The following HOMER1 variants were observed in gnomAD, a reference collection of about 807,000 sequenced individuals.
HOMER1 encodes the protein homer scaffold protein 1.
HOMER1 carries 3 observed loss-of-function variants against 48.9 expected under a neutral mutation model. The observed-to-expected ratio is 0.06, with a 90% CI of 0.03 to 0.16. HOMER1 has a LOEUF of 0.16. Among genes scored for constraint, HOMER1 ranks in the 10% least tolerant of loss-of-function variants. The pLI is 1.00. For missense variants in HOMER1, 247 were observed against 411.4 expected, an observed-to-expected ratio of 0.60 and a Z score of 3.46; for synonymous variants, 134 against 146.4, an observed-to-expected ratio of 0.92 and a Z score of 0.61.
chr5:79,495,041 T>C (rs1752383080), intron 1 of HOMER1, among the ~76,000 whole-genome samples: 1 of 152,214 alleles, frequency 6.6e-6, no homozygotes, highest in South Asian at 2.1e-4. Flanking sequence ...TATTTTTATA[T>C]GTTTTATTAT....
intron 1 of HOMER1, among the ~76,000 whole-genome samples, 178 bp from the exon 2 acceptor site, chr5:79,457,196 A>T (rs1751197920): frequency 6.6e-6 from 1 of 152,240 alleles, no homozygotes; most frequent in South Asian, 2.1e-4. Flanking sequence ...TTCTAAAAAC[A>T]ATTATAGTCA....
chr5:79,511,033 C>A (rs777917855), intron 1 of HOMER1: 2 of 303,226 alleles, frequency 6.6e-6, no homozygotes, highest in Non-Finnish European at 1.2e-5. Flanking sequence ...AAAAATTCAT[C>A]CTAAGCTTCC....
chr5:79,382,298 A>C (rs1243498151), intron 8 of HOMER1, among the ~76,000 whole-genome samples: 1 of 152,168 alleles, frequency 6.6e-6, no homozygotes, highest in Non-Finnish European at 1.5e-5. Flanking sequence ...AGACATCCAG[A>C]TACAGGAAGC....
At chr5:79,481,367 T>C (rs146647891) in intron 1 of HOMER1, among the ~76,000 whole-genome samples, 120 of 152,324 alleles carry the variant, frequency 7.9e-4, no homozygotes, top group Non-Finnish European at 1.5e-3. Context: ...GGCACCGTGA[T>C]CTCTGAGAGG....
intron 5 of HOMER1, among the ~76,000 whole-genome samples, chr5:79,424,497 T>C (rs1350460204): frequency 1.3e-5 from 2 of 152,034 alleles, no homozygotes; most frequent in Non-Finnish European, 2.9e-5. Context: ...TATTCATAAC[T>C]ATGGGAAAGC....
intron 8 of HOMER1, among the ~76,000 whole-genome samples, chr5:79,385,712 G>A (rs535336723): frequency 1.2e-4 from 18 of 151,966 alleles, no homozygotes; most frequent in African/African-American, 4.1e-4. Context: ...GCATGTTGGT[G>A]GGCATCTGTA....
At chr5:79,511,871 G>A (rs1466121142) in intron 1 of HOMER1, among the ~76,000 whole-genome samples, 1 of 152,172 alleles carries the variant, frequency 6.6e-6, no homozygotes, top group Non-Finnish European at 1.5e-5. Context: ...AGATGTGTTT[G>A]TTCAACCACA....
chr5:79,420,008 C>T (rs950078065), intron 5 of HOMER1, among the ~76,000 whole-genome samples: 1 of 152,042 alleles, frequency 6.6e-6, no homozygotes, highest in African/African-American at 2.4e-5. Context: ...TTTTTATCTG[C>T]ATTACGATTT....
chr5:79,463,864 C>T (rs1324325604), intron 1 of HOMER1, among the ~76,000 whole-genome samples: 1 of 152,110 alleles, frequency 6.6e-6, no homozygotes, highest in Non-Finnish European at 1.5e-5. Flanking sequence ...AAAAATTCAC[C>T]ACTAGTTGAC....
rs73769652 is a variant in HOMER1, at chr5:79,403,557, T to C, written c.528-1502A>G. 5.7e-3 allele frequency among the ~76,000 whole-genome samples: 860 copies of C among 152,170 alleles called. 7 individuals are homozygous for C. Among genetic ancestry groups the C allele is most frequent in the African/African-American group, 0.02 (827 of 41,536 alleles). ...ACTGAGGGACAATCTGTAAAATAAC[T>C]GAAACTCTTCAAACATGTGAAGAAA... On this transcript the variant is annotated intron_variant, in intron 5 of 8. Transcript: ENST00000334082.
intron 5 of HOMER1, among the ~76,000 whole-genome samples, chr5:79,404,110 T>G (rs968647530): frequency 6.6e-6 from 1 of 152,222 alleles, no homozygotes; most frequent in African/African-American, 2.4e-5. Context: ...AAATGGAAAC[T>G]TCAATCTGAC....
chr5:79,452,987 T>C lies in HOMER1; in HGVS notation c.163-1866A>G, dbSNP rs142964838. ...ACAAATGGTTAAGGAATCATTCGTT[T>C]ATTCAACTTTAATTGAGTACCTTTT... On this transcript the variant is annotated intron_variant, in intron 2 of 8. Coordinates refer to ENST00000334082, the MANE Select transcript of HOMER1 (RefSeq NM_004272.5). Among the ~76,000 whole-genome samples the C allele has an allele frequency of 1.7e-3, 255 of 152,316 alleles. 1 individual carries two copies. The highest frequency in any genetic ancestry group is 3.8e-3 in the Admixed American group (58 of 15,308).
chr5:79,419,929 G>A (rs1750050646), intron 5 of HOMER1, among the ~76,000 whole-genome samples: 2 of 152,070 alleles, frequency 1.3e-5, no homozygotes, highest in African/African-American at 2.4e-5. Flanking sequence ...ATACAATTTG[G>A]GCATTTATAT....
chr5:79,463,228 T>A (rs1172463518), intron 1 of HOMER1, among the ~76,000 whole-genome samples: 1 of 152,222 alleles, frequency 6.6e-6, no homozygotes, highest in African/African-American at 2.4e-5. Context: ...AGGATAATCA[T>A]GGCAATCCCA....
At chr5:79,508,932 A>G (rs1375364934) in intron 1 of HOMER1, among the ~76,000 whole-genome samples, 1 of 152,248 alleles carries the variant, frequency 6.6e-6, no homozygotes, top group Non-Finnish European at 1.5e-5. Context: ...AAAGGTTCAA[A>G]GTTGGTAAAA....
chr5:79,481,141 A>G (rs1468858784), intron 1 of HOMER1, among the ~76,000 whole-genome samples: 2 of 152,180 alleles, frequency 1.3e-5, no homozygotes, highest in African/African-American at 2.4e-5. Context: ...ATTACTGGGC[A>G]GCACTTTCAG....
intron 1 of HOMER1, among the ~76,000 whole-genome samples, chr5:79,490,920 G>A (rs1752253773): frequency 6.6e-6 from 1 of 150,984 alleles, no homozygotes; most frequent in South Asian, 2.1e-4. Context: ...GCAAGACCCT[G>A]TCTCTAAAAC....
At chr5:79,470,228 G>A (rs1751579819) in intron 1 of HOMER1, among the ~76,000 whole-genome samples, 1 of 152,110 alleles carries the variant, frequency 6.6e-6, no homozygotes, top group Non-Finnish European at 1.5e-5. Context: ...ACAATCCAGG[G>A]AGTCATGATC....
At chr5:79,436,689 CCA>C (rs1750592840) in intron 5 of HOMER1, among the ~76,000 whole-genome samples, 1 of 152,152 alleles carries the variant, frequency 6.6e-6, no homozygotes, top group African/African-American at 2.4e-5. Context: ...TATCAAACTA[CCA>C]CAGTTTGGAA....
Sources: gnomAD v4.1 joint callset for allele counts (sites outside exome capture counted in the v4.1 genomes callset) on GRCh38, gnomAD v4.1.1 for gene constraint, MANE v1.5 for transcripts, NCBI Gene and HGNC (gene_info 2026-07-23, HGNC 2026-07-21) for gene names.